The following MAN2B2 variants were observed in gnomAD, a reference collection of about 807,000 sequenced individuals.
MAN2B2 encodes mannosidase alpha class 2B member 2.
Under a neutral mutation model 117.1 loss-of-function variants are expected in MAN2B2, and 106 were observed. The observed-to-expected ratio is 0.90, with a 90% CI of 0.77 to 1.06. MAN2B2 has a LOEUF of 1.06. Ranked by LOEUF, MAN2B2 falls within the 50% of genes least tolerant of loss-of-function variation. The probability of loss-of-function intolerance (pLI) is 0.00; values close to 1 mark genes in which losing one functional copy is unlikely to be tolerated. For missense variants in MAN2B2, 1,326 were observed against 1,381.4 expected (o/e 0.96, Z 0.64); for synonymous variants, 544 against 595.1 (o/e 0.91, Z 1.25).
intron 6 of MAN2B2, 145 bp from the exon 7 acceptor site, chr4:6,594,389 C>A: frequency 1.4e-6 from 1 of 694,180 alleles, no homozygotes; most frequent in South Asian, 1.7e-5. Flanking sequence ...CGAGATCAAG[C>A]CACTGCTATG....
In MAN2B2 at chr4:6,578,451, A is replaced by ACCT; in HGVS notation, c.344_345insCCT (p.His115_Asp116insLeu). On this transcript the variant is annotated inframe_insertion, in exon 3 of 19. Coordinates refer to ENST00000285599, the MANE Select transcript of MAN2B2 (RefSeq NM_015274.3). ...TTTGTCATCGGAGGCCAGGTCATGC[A>ACCT]TGACGAGGCTGTGACGCACCTTGAT... is the stretch of plus-strand genomic sequence containing the variant. 1 of 1,613,732 alleles carries ACCT rather than the reference A, an allele frequency of 6.2e-7. No individual in the cohort carries two copies. The highest frequency in any genetic ancestry group is 8.5e-7 in the Non-Finnish European group (1 of 1,179,834).
In MAN2B2 at chr4:6,621,632, G is replaced by T. The variant is rs571682574; in HGVS notation, c.*347G>T. 5.3e-6 allele frequency: 1 copy of T among 188,312 alleles called. No homozygotes were observed. The highest frequency in any genetic ancestry group is 1.1e-5 in the Non-Finnish European group (1 of 91,502). The allele number at this position is 188,312 out of a possible 1,614,324, so 11.7% of individuals were successfully genotyped here. A position where few individuals can be genotyped will look rare whatever the true frequency, so the allele number is the denominator to read the frequency against. On this transcript the variant is annotated 3_prime_UTR_variant, in exon 19 of 19. Coordinates refer to ENST00000285599, the MANE Select transcript of MAN2B2 (RefSeq NM_015274.3). ...ACAAGACTCACAGCAGCACCGAAGC[G>T]CATCTGCCGTCCGGGCCCTGCCAGG...
chr4:6,617,462 C>T lies in MAN2B2; in HGVS notation c.2784C>T (p.Val928=), dbSNP rs367915982. 84 of 1,614,116 alleles carry T rather than the reference C, an allele frequency of 5.2e-5. No individual in the cohort carries two copies. The highest frequency in any genetic ancestry group is 5.1e-4 in the East Asian group (23 of 44,872). ...YHLYEVGEDP[V]LSQPVTVNLE... The stretch of plus-strand genomic sequence containing the variant: ...TATATGAAGTGGGCGAGGACCCAGT[C>T]CTGTCTCAGCCAGTGACAGTGAATC... The change falls in exon 17 of 19, where the codon GTC becomes GTT. Residue 928 remains valine (V), a synonymous_variant. Coordinates refer to ENST00000285599, the MANE Select transcript of MAN2B2 (RefSeq NM_015274.3).
chr4:6,586,391 G>T (rs1337047082), intron 3 of MAN2B2, among the ~76,000 whole-genome samples: 1 of 152,164 alleles, frequency 6.6e-6, no homozygotes, highest in African/African-American at 2.4e-5. Flanking sequence ...GCACACTTAG[G>T]TTTGAAGTTC....
At chr4:6,619,215 G>T (rs1395469035) in intron 17 of MAN2B2, 2 of 152,334 alleles carry the variant, frequency 1.3e-5, no homozygotes, top group Non-Finnish European at 2.9e-5. Flanking sequence ...CACCGAACAG[G>T]CATGTCCGAT....
rs1298545927 is a variant in MAN2B2 at position 6,622,282 on chromosome 4, G to A, written c.*997G>A. On this transcript the variant is annotated 3_prime_UTR_variant, in exon 19 of 19. Transcript: ENST00000285599. ...GGTTGCCAGGTACTGGAGGAAGAGA[G>A]AAGAGGCATGACAGCTAACAGGGAC... is the stretch of plus-strand genomic sequence containing the variant. 3 of 152,260 alleles carry A rather than the reference G, an allele frequency of 2.0e-5. No individual in the cohort carries two copies. Among genetic ancestry groups the A allele is most frequent in the African/African-American group, 7.2e-5 (3 of 41,456 alleles). 9.4% of individuals were successfully genotyped at this position (152,260 alleles called of 1,614,324 possible). A position where few individuals can be genotyped will look rare whatever the true frequency, so the allele number is the denominator to read the frequency against.
chr4:6,618,850 A>ATGAT (rs1712023260), intron 17 of MAN2B2: 1 of 151,790 alleles, frequency 6.6e-6, no homozygotes, highest in Admixed American at 6.6e-5. Context: ...TGGGCCACCC[A>ATGAT]CCTCCTCTTT....
chr4:6,592,640 C>T (rs1252860954), intron 5 of MAN2B2, among the ~76,000 whole-genome samples: 2 of 152,096 alleles, frequency 1.3e-5, no homozygotes, highest in Admixed American at 1.3e-4. Flanking sequence ...GAAGGGGCTG[C>T]CCAGGTTGGA....
At chr4:6,616,012 C>T (rs1244554963) in intron 16 of MAN2B2, among the ~76,000 whole-genome samples, 1 of 152,124 alleles carries the variant, frequency 6.6e-6, no homozygotes, top group Non-Finnish European at 1.5e-5. Flanking sequence ...CTGTGCTGAC[C>T]AGGCTGGTCT....
intron 4 of MAN2B2, among the ~76,000 whole-genome samples, chr4:6,588,231 C>T (rs1577277160): frequency 2.0e-5 from 3 of 152,254 alleles, no homozygotes; most frequent in Admixed American, 2.0e-4. Flanking sequence ...GGCCACGCTC[C>T]CTCTGAAGGT....
rs1035710350 is a variant in MAN2B2, at chr4:6,611,857, T to C, written c.2563+579T>C. Reference sequence around the variant, plus strand: ...GTGTGCTGTCACCAGGTGGGGGTCTTTCTAATCTATAGTCTAACCTAAAGG... The same window carrying C: ...GTGTGCTGTCACCAGGTGGGGGTCTCTCTAATCTATAGTCTAACCTAAAGG... On this transcript the variant is annotated intron_variant, in intron 15 of 18. Transcript: ENST00000285599. 1.3e-4 allele frequency among the ~76,000 whole-genome samples: 20 copies of C among 152,296 alleles called. 1 individual carries two copies. The highest frequency in any genetic ancestry group is 5.9e-5 in the Non-Finnish European group (4 of 68,010).
intron 5 of MAN2B2, 97 bp from the exon 6 acceptor site, chr4:6,593,076 C>A: frequency 1.7e-6 from 2 of 1,167,824 alleles, no homozygotes; most frequent in Non-Finnish European, 2.5e-6. Flanking sequence ...AAATGATGTG[C>A]CAAGGTCCCA....
rs1208358798 is a variant in MAN2B2, at chr4:6,598,351, T to C, written c.1402T>C (p.Ser468Pro). Reference protein sequence around the residue: ...LQPQAPMAASSDAGPAGHFAS... With the variant: ...LQPQAPMAASPDAGPAGHFAS... Reference sequence around the variant, plus strand: ...GCCCCAGGCACCCATGGCGGCCAGCTCCGGTGAGCAGGGCCCTGCAGGGAG... The same window carrying C: ...GCCCCAGGCACCCATGGCGGCCAGCCCCGGTGAGCAGGGCCCTGCAGGGAG... The change falls in exon 9 of 19, where the codon TCC (serine) becomes CCC (proline). Residue 468 changes from serine to proline, a missense_variant. Physicochemically the swap from Ser to Pro is moderately conservative, Grantham distance 74 (BLOSUM62 -1). Transcript: ENST00000285599. 1 of 1,611,504 alleles carries C rather than the reference T, an allele frequency of 6.2e-7. No homozygotes were observed. The highest frequency in any genetic ancestry group is 1.3e-5 in the African/African-American group (1 of 74,870).
chr4:6,604,058 G>A (rs1257625130), intron 10 of MAN2B2, among the ~76,000 whole-genome samples: 1 of 152,214 alleles, frequency 6.6e-6, no homozygotes, highest in Non-Finnish European at 1.5e-5. Flanking sequence ...AGAAGATTGG[G>A]GGATGGCCCC....
chr4:6,585,140 C>T (rs1470772855), intron 3 of MAN2B2, among the ~76,000 whole-genome samples: 1 of 152,134 alleles, frequency 6.6e-6, no homozygotes. Flanking sequence ...CTGATCCCCT[C>T]TCACCTCTGC....
chr4:6,607,846 CCAG>C (rs766420735), intron 11 of MAN2B2, among the ~76,000 whole-genome samples: 1 of 152,172 alleles, frequency 6.6e-6, no homozygotes, highest in Non-Finnish European at 1.5e-5. Context: ...TCTGTTCCTC[CCAG>C]CAGCAGATGA....
intron 16 of MAN2B2, among the ~76,000 whole-genome samples, chr4:6,615,086 C>T (rs1168579485): frequency 6.6e-6 from 1 of 152,202 alleles, no homozygotes; most frequent in Non-Finnish European, 1.5e-5. Flanking sequence ...GCCTGGCACA[C>T]CTGCAGAATT....
intron 15 of MAN2B2, among the ~76,000 whole-genome samples, chr4:6,613,635 G>C (rs1711689333): frequency 7.5e-6 from 1 of 133,106 alleles, no homozygotes; most frequent in Non-Finnish European, 1.6e-5. Flanking sequence ...GAGGGGAGGG[G>C]AGGGAAAAGA....
chr4:6,603,090 G>T (rs947266818), intron 10 of MAN2B2, among the ~76,000 whole-genome samples: 4 of 152,122 alleles, frequency 2.6e-5, no homozygotes, highest in African/African-American at 9.7e-5. Flanking sequence ...GATCTAATAT[G>T]AATTTCCACC....
Sources: allele counts gnomAD v4.1 joint callset (sites outside exome capture counted in the v4.1 genomes callset), GRCh38; gene constraint gnomAD v4.1.1; transcripts MANE v1.5; gene names NCBI Gene and HGNC (gene_info 2026-07-23, HGNC 2026-07-21).